The following MAD1L1 variants were observed in gnomAD, a reference collection of about 807,000 sequenced individuals.
The protein encoded by MAD1L1 is mitotic spindle assembly checkpoint protein MAD1.
In MAD1L1, 95 loss-of-function variants were observed where a neutral mutation model predicts 96.9. The observed-to-expected ratio is 0.98, with a 90% confidence interval of 0.83 to 1.16. The LOEUF (loss-of-function observed/expected upper bound fraction) is 1.16. Ranked by LOEUF, MAD1L1 falls within the 50% of genes most tolerant of loss-of-function variation. The pLI is 0.00. For synonymous variants in MAD1L1, 473 were observed against 396.6 expected (o/e 1.19, Z -2.29); for missense variants, 1,007 against 954.4 (o/e 1.06, Z -0.73).
At position 2,222,705 on chromosome 7, in the gene MAD1L1, T is replaced by C; in HGVS notation, c.341A>G (p.Gln114Arg). 1 of 1,610,542 alleles carries C rather than the reference T, an allele frequency of 6.2e-7. No individual in the cohort carries two copies. The highest frequency in any genetic ancestry group is 8.5e-7 in the Non-Finnish European group (1 of 1,179,716). The change falls in exon 5 of 19, where the codon CAG (glutamine) becomes CGG (arginine). Residue 114 changes from glutamine to arginine, a missense_variant. Gln to Arg is a conservative substitution (Grantham distance 43, BLOSUM62 1). Coordinates refer to ENST00000265854, the MANE Select transcript of MAD1L1 (RefSeq NM_001013836.2). ...CTCCTCCGCCCCGGCCTCCCGCTCC[T>C]GAAGCTGCCGGATGCGCGTCAGGAG... ...QELLTRIRQL[Q>R]EREAGAEEKM... is the part of the protein sequence containing the mutation.
Position 1,916,246 on chromosome 7 carries a change from T to C in MAD1L1, c.1808-17856A>G, listed in dbSNP as rs573119264. Reference sequence around the variant, plus strand: ...GGCAGCTCCTCTCCTCCCTAGAATGTGGAAATTCCCCTCCCGTCTGGAGGA... The same window carrying C: ...GGCAGCTCCTCTCCTCCCTAGAATGCGGAAATTCCCCTCCCGTCTGGAGGA... On this transcript the variant is annotated intron_variant, in intron 17 of 18. Coordinates refer to ENST00000265854, the MANE Select transcript of MAD1L1 (RefSeq NM_001013836.2). Among the ~76,000 whole-genome samples the C allele has an allele frequency of 3.3e-5, 5 of 152,218 alleles. No individual in the cohort carries two copies. The South Asian group carries it at 1.0e-3, about 32-fold the overall frequency.
At chr7:2,162,669 C>A (rs1266934286) in intron 10 of MAD1L1, among the ~76,000 whole-genome samples, 3 of 89,192 alleles carry the variant, frequency 3.4e-5, no homozygotes, top group African/African-American at 1.4e-4. Context: ...GAGGAAAACA[C>A]AAAGAATAAA....
intron 15 of MAD1L1, among the ~76,000 whole-genome samples, chr7:1,976,291 G>T (rs1057265638): frequency 6.6e-6 from 1 of 152,232 alleles, no homozygotes; most frequent in African/African-American, 2.4e-5. Context: ...AGTTCTTAAA[G>T]ATGGTGTGTC....
intron 12 of MAD1L1, among the ~76,000 whole-genome samples, chr7:2,045,329 T>G (rs1376576926): frequency 6.6e-6 from 1 of 152,114 alleles, no homozygotes; most frequent in Non-Finnish European, 1.5e-5. Flanking sequence ...GAGTCCCCCA[T>G]GTCCCTGTGA....
At chr7:1,964,228 T>C (rs1780067403) in intron 15 of MAD1L1, among the ~76,000 whole-genome samples, 1 of 152,192 alleles carries the variant, frequency 6.6e-6, no homozygotes, top group African/African-American at 2.4e-5. Flanking sequence ...AGAAGCTGCC[T>C]TCTGCAGGGG....
Position 2,217,985 on chromosome 7 carries a change from CTCTTGCT to C in MAD1L1, c.648_654del (p.Ala217GlnfsTer24). On this transcript the variant is annotated frameshift_variant, in exon 7 of 19. Transcript: ENST00000265854. LOFTEE classifies it high-confidence loss of function. ...ACCTTAATCTGCTGCTCGTGGTCTG[CTCTTGCT>C]TCTTGGCTGGCCTGGAGTTCCTGGA... is the stretch of plus-strand genomic sequence containing the variant. 6.2e-7 allele frequency: 1 copy of C among 1,614,082 alleles called. No homozygotes were observed. Among genetic ancestry groups the C allele is most frequent in the Non-Finnish European group, 8.5e-7 (1 of 1,179,926 alleles).
chr7:1,876,335 C>T (rs572065030), intron 18 of MAD1L1, among the ~76,000 whole-genome samples: 2 of 152,134 alleles, frequency 1.3e-5, no homozygotes, highest in Non-Finnish European at 2.9e-5. Flanking sequence ...TCTGGTCCAA[C>T]ACCAGGTGCT....
intron 10 of MAD1L1, among the ~76,000 whole-genome samples, chr7:2,162,708 C>CAA (rs200992128): frequency 0.018 from 1,746 of 96,482 alleles, 23 homozygotes; most frequent in Middle Eastern, 0.054. Flanking sequence ...CCACCACTCA[C>CAA]AAAAAAAAAA....
chr7:2,166,821 G>A (rs537630036), intron 10 of MAD1L1, among the ~76,000 whole-genome samples: 3 of 152,316 alleles, frequency 2.0e-5, no homozygotes, highest in African/African-American at 7.2e-5. Flanking sequence ...CATGCCAGGC[G>A]AACCCAGTGA....
chr7:2,222,563 G>A lies in MAD1L1; in HGVS notation c.471+12C>T. Reference sequence around the variant, plus strand: ...GGAAAACAGCTCCCTGCGCAGCAGAGGCCCCGCTCACCTCGCCAGCCTGGG... The same window carrying A: ...GGAAAACAGCTCCCTGCGCAGCAGAAGCCCCGCTCACCTCGCCAGCCTGGG... On this transcript the variant is annotated intron_variant, in intron 5 of 18. Transcript: ENST00000265854. The A allele has an allele frequency of 1.9e-6, 3 of 1,578,414 alleles. No individual in the cohort carries two copies. The highest frequency in any genetic ancestry group is 2.6e-6 in the Non-Finnish European group (3 of 1,161,934).
chr7:2,213,335 T>G (rs1168439736), intron 9 of MAD1L1, 62 bp from the exon 10 acceptor site: 3 of 1,461,532 alleles, frequency 2.1e-6, no homozygotes, highest in East Asian at 4.5e-5. Context: ...CACATAAGAC[T>G]GACAATCATG....
At chr7:1,850,367 C>A (rs1047129159) in intron 18 of MAD1L1, among the ~76,000 whole-genome samples, 1 of 152,226 alleles carries the variant, frequency 6.6e-6, no homozygotes, top group Middle Eastern at 3.2e-3. Context: ...CACCCCCTGC[C>A]ACCTCTGGAG....
At chr7:2,162,526 C>G (rs992570338) in intron 10 of MAD1L1, among the ~76,000 whole-genome samples, 1 of 151,876 alleles carries the variant, frequency 6.6e-6, no homozygotes, top group African/African-American at 2.4e-5. Flanking sequence ...CTTCCCTCCA[C>G]TATTGTCCTA....
intron 11 of MAD1L1, among the ~76,000 whole-genome samples, chr7:2,128,196 A>G (rs1160586532): frequency 6.6e-6 from 1 of 152,094 alleles, no homozygotes; most frequent in East Asian, 1.9e-4. Context: ...GTTTGCATAC[A>G]TTCTTTAGAG....
intron 16 of MAD1L1, among the ~76,000 whole-genome samples, chr7:1,938,650 T>C (rs1778739956): frequency 2.6e-5 from 4 of 151,836 alleles, no homozygotes; most frequent in Non-Finnish European, 5.9e-5. Flanking sequence ...CTGCAAAACA[T>C]GTGAGCAGAC....
At chr7:2,033,915 A>AC (rs1190669935) in intron 12 of MAD1L1, among the ~76,000 whole-genome samples, 5 of 152,286 alleles carry the variant, frequency 3.3e-5, no homozygotes, top group Admixed American at 1.3e-4. Flanking sequence ...ACATAGTGAG[A>AC]CCCCATCTCT....
chr7:2,076,226 T>C (rs192002926), intron 11 of MAD1L1, among the ~76,000 whole-genome samples: 17 of 152,320 alleles, frequency 1.1e-4, no homozygotes, highest in South Asian at 2.1e-4. Context: ...AGAATGCCTG[T>C]GTCGTCCCAA....
chr7:2,143,636 T>C (rs1003267145), intron 11 of MAD1L1, among the ~76,000 whole-genome samples: 2 of 151,872 alleles, frequency 1.3e-5, no homozygotes, highest in Admixed American at 6.6e-5. Flanking sequence ...AGGCCCCTGA[T>C]GGCAGCAGTA....
At chr7:1,943,126 C>T (rs1215387560) in intron 16 of MAD1L1, among the ~76,000 whole-genome samples, 3 of 152,216 alleles carry the variant, frequency 2.0e-5, no homozygotes, top group African/African-American at 7.2e-5. Flanking sequence ...AACTAAGTAA[C>T]AATGGATCCA....
Sources: gnomAD v4.1 joint callset for allele counts (sites outside exome capture counted in the v4.1 genomes callset) on GRCh38, gnomAD v4.1.1 for gene constraint, MANE v1.5 for transcripts, NCBI Gene and HGNC (gene_info 2026-07-23, HGNC 2026-07-21) for gene names.